ARMC7: variants seen among roughly 807,000 people sequenced by gnomAD.
ARMC7 encodes armadillo repeat-containing protein 7.
In ARMC7, 9 loss-of-function variants were observed where a neutral mutation model predicts 14.8. That is an observed-to-expected ratio of 0.61 (90% CI 0.37 to 1.06). The LOEUF is 1.06. Ranked by LOEUF, ARMC7 falls within the 50% of genes least tolerant of loss-of-function variation. The pLI is 0.01. For missense variants in ARMC7, 262 were observed against 267.1 expected (o/e 0.98, Z 0.13); for synonymous variants, 125 against 123.4 (o/e 1.01, Z -0.09).
intron 2 of ARMC7, among the ~76,000 whole-genome samples, chr17:75,118,122 CAAAA>C: frequency 8.9e-6 from 1 of 112,820 alleles, no homozygotes; most frequent in East Asian, 2.7e-4. Context: ...AAGACTGTCT[CAAAA>C]AAAAAAAAAA....
chr17:75,110,209 G>C lies in ARMC7; in HGVS notation c.-80G>C, dbSNP rs1383372150. The C allele has an allele frequency of 3.7e-6, 5 of 1,359,816 alleles. No individual in the cohort carries two copies. The highest frequency in any genetic ancestry group is 5.0e-6 in the Non-Finnish European group (5 of 1,009,884). 84.2% of individuals were successfully genotyped at this position (1,359,816 alleles called of 1,614,324 possible). A position where few individuals can be genotyped will look rare whatever the true frequency, so the allele number is the denominator to read the frequency against. On this transcript the variant is annotated 5_prime_UTR_variant, in exon 1 of 3. Coordinates refer to ENST00000245543, the MANE Select transcript of ARMC7 (RefSeq NM_024585.4). Reference sequence around the variant, plus strand: ...TCCCTCTCCAGACAGGTGGAGAGCGGGTGAGGGTCTCGCTCGGCTTTCCCC... The same window carrying C: ...TCCCTCTCCAGACAGGTGGAGAGCGCGTGAGGGTCTCGCTCGGCTTTCCCC...
intron 2 of ARMC7, among the ~76,000 whole-genome samples, chr17:75,125,730 C>A (rs1348921070): frequency 2.6e-5 from 4 of 152,102 alleles, no homozygotes; most frequent in Non-Finnish European, 5.9e-5. Flanking sequence ...GTAATCCCAG[C>A]TACTTGGGAG....
Position 75,110,170 on chromosome 17 carries a change from T to C in ARMC7, c.-119T>C. ...TCTGAACCCAGGAAAGAAACCCATT[T>C]GCCGACCCCCTCTTCCCTCTCCAGA... On this transcript the variant is annotated 5_prime_UTR_variant, in exon 1 of 3. Transcript: ENST00000245543. 1.0e-6 allele frequency: 1 copy of C among 954,310 alleles called. No individual in the cohort carries two copies. The highest frequency in any genetic ancestry group is 1.5e-6 in the Non-Finnish European group (1 of 658,290). The allele number at this position is 954,310 out of a possible 1,614,324, so 59.1% of individuals were successfully genotyped here. A position where few individuals can be genotyped will look rare whatever the true frequency, so the allele number is the denominator to read the frequency against.
chr17:75,122,282 C>T (rs557912782), intron 2 of ARMC7, among the ~76,000 whole-genome samples: 7 of 151,840 alleles, frequency 4.6e-5, no homozygotes, highest in South Asian at 4.2e-4. Context: ...GCCGAGATTG[C>T]GCCACTGCAC....
chr17:75,123,205 A>ATTTTT (rs555791092), intron 2 of ARMC7, among the ~76,000 whole-genome samples: 1 of 125,554 alleles, frequency 8.0e-6, no homozygotes, highest in African/African-American at 3.1e-5. Context: ...GGCCCAGCTA[A>ATTTTT]TTTTTTTTTT....
rs569326664 is a variant in ARMC7 at position 75,110,455 on chromosome 17, C to T, written c.92-8C>T. 6.2e-6 allele frequency: 10 copies of T among 1,614,232 alleles called. No individual in the cohort carries two copies. The highest frequency in any genetic ancestry group is 5.3e-5 in the African/African-American group (4 of 75,078). ...GGACCTGGCTTCAGTGCCGCTTTCCCGTTGCAGACGCCAAGGAGCAAGTCC... is the reference window on the plus strand; with the variant it reads ...GGACCTGGCTTCAGTGCCGCTTTCCTGTTGCAGACGCCAAGGAGCAAGTCC... On this transcript the variant is annotated splice_polypyrimidine_tract_variant and splice_region_variant and intron_variant, in intron 1 of 2. Transcript: ENST00000245543.
intron 2 of ARMC7, among the ~76,000 whole-genome samples, chr17:75,122,879 C>T (rs529322516): frequency 1.1e-4 from 13 of 117,886 alleles, no homozygotes; most frequent in African/African-American, 2.7e-4. Context: ...GTGAGGGGGG[C>T]GTGGTGGGGG....
In ARMC7 at chr17:75,128,811, C is replaced by T. The variant is rs1035491706; in HGVS notation, c.370C>T (p.His124Tyr). Residue 124 changes from histidine to tyrosine, a missense_variant, in exon 3 of 3, where the codon CAC becomes TAC. His to Tyr is a moderately conservative substitution (Grantham distance 83, BLOSUM62 2). Coordinates refer to ENST00000245543, the MANE Select transcript of ARMC7 (RefSeq NM_024585.4). ...TVLSAITTLMHLSPPGRSFLP... is the reference protein window; with the variant it reads ...TVLSAITTLMYLSPPGRSFLP... ...GCTGTCTGCCATCACCACGCTCATGCACCTGAGCCCGCCGGGCCGCAGCTT... is the reference window on the plus strand; with the variant it reads ...GCTGTCTGCCATCACCACGCTCATGTACCTGAGCCCGCCGGGCCGCAGCTT... 1.2e-6 allele frequency: 2 copies of T among 1,613,126 alleles called. No individual in the cohort carries two copies. Among genetic ancestry groups the T allele is most frequent in the African/African-American group, 1.3e-5 (1 of 74,930 alleles).
chr17:75,126,468 A>T (rs886637868), intron 2 of ARMC7, among the ~76,000 whole-genome samples: 5 of 152,206 alleles, frequency 3.3e-5, no homozygotes, highest in South Asian at 2.1e-4. Context: ...TATTCTCTTA[A>T]TTACACTATA....
At chr17:75,126,664 C>G (rs976413228) in intron 2 of ARMC7, among the ~76,000 whole-genome samples, 1 of 151,774 alleles carries the variant, frequency 6.6e-6, no homozygotes, top group Admixed American at 6.6e-5. Flanking sequence ...TCATTGCAAC[C>G]TCAGCCTCCT....
chr17:75,119,446 G>GTTTTTTTTTTTTTTTTTTTTTTTTT (rs147340090), intron 2 of ARMC7, among the ~76,000 whole-genome samples: 1 of 120,068 alleles, frequency 8.3e-6, no homozygotes, highest in African/African-American at 3.5e-5. Flanking sequence ...CTGTGATACA[G>GTTTTTTTTTTTTTTTTTTTTTTTTT]TTTTTTCTTT....
Position 75,113,507 on chromosome 17 carries a change from C to A in ARMC7, c.235+2901C>A, listed in dbSNP as rs569084276. 1.6e-3 allele frequency among the ~76,000 whole-genome samples: 249 copies of A among 151,640 alleles called. 10 individuals carry two copies. The highest frequency in any genetic ancestry group is 0.015 in the Admixed American group (235 of 15,200). On this transcript the variant is annotated intron_variant, in intron 2 of 2. Transcript: ENST00000245543. Reference sequence around the variant, plus strand: ...GTAGCTGGGATTACAGGCGCCCCCCCACCAGGCCCGGCTAATTTTTTGTAC... The same window carrying A: ...GTAGCTGGGATTACAGGCGCCCCCCAACCAGGCCCGGCTAATTTTTTGTAC...
chr17:75,129,096 G>A lies in ARMC7; in HGVS notation c.*58G>A, dbSNP rs2074079560. 1 of 1,531,898 alleles carries A rather than the reference G, an allele frequency of 6.5e-7. No individual in the cohort carries two copies. The highest frequency in any genetic ancestry group is 1.2e-5 in the South Asian group (1 of 80,574). The allele number at this position is 1,531,898 out of a possible 1,614,324, so 94.9% of individuals were successfully genotyped here. On this transcript the variant is annotated 3_prime_UTR_variant, in exon 3 of 3. Coordinates refer to ENST00000245543, the MANE Select transcript of ARMC7 (RefSeq NM_024585.4). ...CTGCTGGAGACCACAGTCCTGATGT[G>A]GACGCAGGGAACGGGGAGCACATAC...
Position 75,130,243 on chromosome 17 carries a change from TTTTATTAA to T in ARMC7, c.*1206_*1213del. 5 of 538,362 alleles carry T rather than the reference TTTTATTAA, an allele frequency of 9.3e-6. No homozygotes were observed. The highest frequency in any genetic ancestry group is 2.3e-5 in the South Asian group (1 of 43,358). The allele number at this position is 538,362 out of a possible 1,614,324, so 33.3% of individuals were successfully genotyped here. On this transcript the variant is annotated 3_prime_UTR_variant, in exon 3 of 3. Coordinates refer to ENST00000245543, the MANE Select transcript of ARMC7 (RefSeq NM_024585.4). ...CCTAGAAGACTAGAAAGCCAAGGTC[TTTTATTAA>T]AGGTCCCGACTGGTTTTCCCACTGT...
chr17:75,115,368 C>A (rs571946612), intron 2 of ARMC7, among the ~76,000 whole-genome samples: 1 of 152,092 alleles, frequency 6.6e-6, no homozygotes, highest in Non-Finnish European at 1.5e-5. Flanking sequence ...GGCAAAACCC[C>A]GTCTCTACTA....
rs1276702321 is a variant in ARMC7, at chr17:75,110,112, A to G, written c.-177A>G. 1.1e-4 allele frequency: 67 copies of G among 628,216 alleles called. No homozygotes were observed. In the Admixed American group the frequency reaches 1.3e-3, roughly 12 times the overall value. 38.9% of individuals were successfully genotyped at this position (628,216 alleles called of 1,614,324 possible). A position where few individuals can be genotyped will look rare whatever the true frequency, so the allele number is the denominator to read the frequency against. ...ATTCTGAGACCCCGTCCCATCTCCC[A>G]TATCCCATTTCCAGCTGCAAATTAC... is the stretch of plus-strand genomic sequence containing the variant. On this transcript the variant is annotated 5_prime_UTR_variant, in exon 1 of 3. Transcript: ENST00000245543.
chr17:75,110,542 G>T lies in ARMC7; in HGVS notation c.171G>T (p.Gln57His), dbSNP rs922857377. 1.9e-6 allele frequency: 3 copies of T among 1,614,266 alleles called. No individual in the cohort carries two copies. The highest frequency in any genetic ancestry group is 2.2e-5 in the South Asian group (2 of 91,090). The change falls in exon 2 of 3, where the codon CAG (glutamine) becomes CAT (histidine). Residue 57 changes from glutamine (Q) to histidine (H), a missense_variant. Coordinates refer to ENST00000245543, the MANE Select transcript of ARMC7 (RefSeq NM_024585.4). ...PSNYEYLRQL[Q>H]VLDLFLDSLS... ...ACTACGAGTATCTGCGGCAGCTGCA[G>T]GTCCTGGATTTATTTCTCGATTCGC...
At chr17:75,128,292 C>T (rs1033065638) in intron 2 of ARMC7, among the ~76,000 whole-genome samples, 7 of 152,044 alleles carry the variant, frequency 4.6e-5, no homozygotes. Context: ...AGGCTGGTCT[C>T]GGACTCGTGA....
chr17:75,123,194 A>T (rs2074026252), intron 2 of ARMC7, among the ~76,000 whole-genome samples: 1 of 146,988 alleles, frequency 6.8e-6, no homozygotes. Context: ...ACACACCATC[A>T]GGCCCAGCTA....
Sources: gnomAD v4.1 joint callset for allele counts (sites outside exome capture counted in the v4.1 genomes callset) on GRCh38, gnomAD v4.1.1 for gene constraint, MANE v1.5 for transcripts, NCBI Gene and HGNC (gene_info 2026-07-23, HGNC 2026-07-21) for gene names.